Variants in OR14A2 observed in about 807,000 individuals in gnomAD.
The protein encoded by OR14A2 is olfactory receptor family 14 subfamily A member 2.
For missense variants in OR14A2, 237 were observed against 152.9 expected (o/e 1.55, Z -2.90); for synonymous variants, 114 against 58.6 (o/e 1.95, Z -4.32).
At chr1:247,739,845 G>T in the OR14A2 span, among the ~76,000 whole-genome samples, 1 of 151,994 alleles carries the variant, frequency 6.6e-6, no homozygotes, top group South Asian at 2.1e-4. Context: ...AAGTAGCTGG[G>T]ATTACAGGTG....
At chr1:247,723,283 T>C in exon 1 of OR14A2, 1 of 717,448 alleles carries the variant, frequency 1.4e-6, no homozygotes, top group South Asian at 1.5e-5. Flanking sequence ...ATAAACAAAA[T>C]AAGCAGTTAT....
chr1:247,724,117 A>G (rs1660277076), upstream of OR14A2: 3 of 623,816 alleles, frequency 4.8e-6, no homozygotes, highest in East Asian at 2.7e-5. Context: ...AAATTAAAAA[A>G]TTAGTCTATA....
the OR14A2 span, among the ~76,000 whole-genome samples, chr1:247,741,445 C>T: frequency 6.6e-6 from 1 of 152,124 alleles, no homozygotes; most frequent in Non-Finnish European, 1.5e-5. Flanking sequence ...GAAAAATAAA[C>T]ATTGCATTAA....
chr1:247,738,622 A>G, the OR14A2 span: 7 of 778,328 alleles, frequency 9.0e-6, no homozygotes, highest in South Asian at 2.7e-5. Context: ...ACTATGACCA[A>G]TCAGACACAG....
the OR14A2 span, among the ~76,000 whole-genome samples, chr1:247,730,489 G>C: frequency 6.6e-6 from 1 of 151,396 alleles, no homozygotes; most frequent in South Asian, 2.1e-4. Flanking sequence ...CTTCTTTCCT[G>C]CCATTTTTCA....
At chr1:247,738,743 C>A in the OR14A2 span, 14 of 780,698 alleles carry the variant, frequency 1.8e-5, no homozygotes, top group African/African-American at 2.4e-4. Flanking sequence ...ATTTAGTCAT[C>A]ATTCTCCTCA....
At chr1:247,733,622 A>G in the OR14A2 span, among the ~76,000 whole-genome samples, 1 of 152,222 alleles carries the variant, frequency 6.6e-6, no homozygotes, top group East Asian at 1.9e-4. Flanking sequence ...AATTCTTTCT[A>G]TTGCAATACT....
chr1:247,733,175 A>G, the OR14A2 span, among the ~76,000 whole-genome samples: 2 of 152,142 alleles, frequency 1.3e-5, no homozygotes, highest in African/African-American at 4.8e-5. Context: ...TTTCGTTCCT[A>G]GTGAGCAGAT....
upstream of OR14A2, among the ~76,000 whole-genome samples, chr1:247,728,348 A>C (rs913713949): frequency 2.4e-4 from 36 of 152,246 alleles, no homozygotes; most frequent in Non-Finnish European, 1.3e-4. Context: ...ATAGATGCAG[A>C]AAAAGGCTTT....
chr1:247,729,230 A>T, the OR14A2 span, among the ~76,000 whole-genome samples: 1 of 152,146 alleles, frequency 6.6e-6, no homozygotes, highest in African/African-American at 2.4e-5. Flanking sequence ...CAGTATAATC[A>T]CATGTGTTTT....
chr1:247,741,909 C>G, the OR14A2 span, among the ~76,000 whole-genome samples: 2 of 152,186 alleles, frequency 1.3e-5, no homozygotes, highest in African/African-American at 4.8e-5. Context: ...ATTGAGAACC[C>G]TGCAAGCTTA....
the OR14A2 span, among the ~76,000 whole-genome samples, chr1:247,730,254 A>G: frequency 6.6e-6 from 1 of 152,032 alleles, no homozygotes; most frequent in South Asian, 2.1e-4. Flanking sequence ...CCCTGATGAC[A>G]CCAAACTCAA....
At chr1:247,730,277 C>A in the OR14A2 span, among the ~76,000 whole-genome samples, 2 of 151,948 alleles carry the variant, frequency 1.3e-5, no homozygotes, top group Non-Finnish European at 2.9e-5. Flanking sequence ...CGTTACAAAT[C>A]CAGTTGATTC....
At chr1:247,734,716 A>G in the OR14A2 span, among the ~76,000 whole-genome samples, 11 of 152,178 alleles carry the variant, frequency 7.2e-5, no homozygotes, top group Admixed American at 6.5e-4. Context: ...ATGAAGTCCT[A>G]TGGGGCTGGA....
the OR14A2 span, among the ~76,000 whole-genome samples, chr1:247,740,960 G>T: frequency 2.0e-5 from 3 of 152,112 alleles, no homozygotes; most frequent in Middle Eastern, 3.2e-3. Flanking sequence ...CTAGCCTTTG[G>T]CAATACCTTT....
upstream of OR14A2, among the ~76,000 whole-genome samples, chr1:247,725,341 G>A (rs531103855): frequency 1.4e-3 from 215 of 152,064 alleles, no homozygotes; most frequent in African/African-American, 4.9e-3. Context: ...GGAAAATGTG[G>A]TAGAGTGATT....
the OR14A2 span, among the ~76,000 whole-genome samples, chr1:247,744,387 A>G: frequency 4.6e-5 from 7 of 152,222 alleles, no homozygotes; most frequent in Non-Finnish European, 1.5e-5. This position sits in a 1 kb window ranked among gnomAD's most constrained non-coding sequence, Gnocchi z 4.3. Flanking sequence ...CTTCAAATAC[A>G]TAAATACCAT....
chr1:247,746,751 T>A, the OR14A2 span: 1 of 152,212 alleles, frequency 6.6e-6, no homozygotes, highest in Non-Finnish European at 1.5e-5. Context: ...AGGTAAGTGC[T>A]CTTGATCTCA....
chr1:247,725,528 A>AT (rs994664937), upstream of OR14A2, among the ~76,000 whole-genome samples: 22 of 148,206 alleles, frequency 1.5e-4, no homozygotes, highest in Admixed American at 4.0e-4. Context: ...TTATTTATTT[A>AT]TTTTTTTTAT....
Sources: gnomAD v4.1 joint callset for allele counts (sites outside exome capture counted in the v4.1 genomes callset) on GRCh38, gnomAD v4.1.1 for gene constraint, Gnocchi (gnomAD v3.1) non-coding constraint, MANE v1.5 for transcripts, NCBI Gene and HGNC (gene_info 2026-07-23, HGNC 2026-07-21) for gene names.